Variants in UTS2 observed in about 807,000 individuals in gnomAD.
UTS2 encodes the protein urotensin 2.
A neutral mutation model predicts 12.6 loss-of-function variants in UTS2; 10 were observed. The ratio of observed to expected loss-of-function variants is 0.80; its 90% CI spans 0.49 to 1.35. The LOEUF is 1.35. Ranked by LOEUF, UTS2 falls within the 40% of genes most tolerant of loss-of-function variation. The pLI is 0.00. For synonymous variants in UTS2, 52 were observed against 50.0 expected (o/e 1.04, Z -0.17); for missense variants, 142 against 143.2 (o/e 0.99, Z 0.04).
chr1:7,897,366 G>T, the UTS2 span, among the ~76,000 whole-genome samples: 1 of 151,988 alleles, frequency 6.6e-6, no homozygotes, highest in Non-Finnish European at 1.5e-5. Context: ...GAATGACTGG[G>T]CTATTCTTCA....
In UTS2 at chr1:7,847,793, A is replaced by C. The variant is rs1043819371; in HGVS notation, c.348T>G (p.Pro116=). ...AGACACAGTATTTCCAGAAGCAATC[A>C]GGAGTCTCACGTTTCTTGTATGGTT... The part of the protein sequence containing the change: ...IWKPYKKRET[P]DCFWKYCV The change falls in exon 4 of 4, where the codon CCT becomes CCG. Residue 116 remains proline, a synonymous_variant. Coordinates refer to ENST00000361696, the MANE Select transcript of UTS2 (RefSeq NM_006786.4). 10 of 1,613,656 alleles carry C rather than the reference A, an allele frequency of 6.2e-6. No homozygotes were observed. The highest frequency in any genetic ancestry group is 8.5e-6 in the Non-Finnish European group (10 of 1,179,722).
chr1:7,896,839 G>A, the UTS2 span, among the ~76,000 whole-genome samples: 29 of 152,080 alleles, frequency 1.9e-4, no homozygotes, highest in East Asian at 5.0e-3. Context: ...GGGACTACAG[G>A]TGCGTGCCCC....
the UTS2 span, among the ~76,000 whole-genome samples, chr1:7,862,997 TG>T: frequency 1.7e-4 from 3 of 17,632 alleles, no homozygotes; most frequent in South Asian, 1.7e-3. Flanking sequence ...TGTGTTGTAT[TG>T]TATTGTATTG....
At chr1:7,862,437 G>A in the UTS2 span, among the ~76,000 whole-genome samples, 3 of 151,220 alleles carry the variant, frequency 2.0e-5, no homozygotes, top group South Asian at 2.1e-4. Context: ...AATTAATTGC[G>A]GTTTTTGCCA....
chr1:7,854,074 A>G (rs1578028983), upstream of UTS2, among the ~76,000 whole-genome samples: 1 of 152,156 alleles, frequency 6.6e-6, no homozygotes, highest in Non-Finnish European at 1.5e-5. Flanking sequence ...GGCCGGGTGC[A>G]GTGGCTCACG....
chr1:7,891,536 A>AAAAG, the UTS2 span, among the ~76,000 whole-genome samples: 27,956 of 109,590 alleles, frequency 0.26, 3,943 homozygotes, highest in Non-Finnish European at 0.28. Flanking sequence ...AGAAAGAAAG[A>AAAAG]AAAGAAAGAA....
chr1:7,886,753 GA>G, the UTS2 span, among the ~76,000 whole-genome samples: 2 of 152,016 alleles, frequency 1.3e-5, no homozygotes, highest in Admixed American at 6.6e-5. Context: ...AAAATAATCA[GA>G]GGGGGAAAAA....
At chr1:7,848,615 G>A (rs1213107949) in intron 3 of UTS2, among the ~76,000 whole-genome samples, 1 of 151,870 alleles carries the variant, frequency 6.6e-6, no homozygotes, top group Non-Finnish European at 1.5e-5. Flanking sequence ...CCGCCTCCAG[G>A]TTCAAGTGAT....
chr1:7,885,130 TCATC>T, the UTS2 span, among the ~76,000 whole-genome samples: 537 of 150,318 alleles, frequency 3.6e-3, 2 homozygotes, highest in Middle Eastern at 0.01. Flanking sequence ...CACCCACCTA[TCATC>T]CATCCATCCA....
At chr1:7,878,792 G>C in the UTS2 span, among the ~76,000 whole-genome samples, 1 of 152,120 alleles carries the variant, frequency 6.6e-6, no homozygotes, top group African/African-American at 2.4e-5. Flanking sequence ...TTCACCTGTA[G>C]ACACATATGG....
chr1:7,899,844 T>C, the UTS2 span, among the ~76,000 whole-genome samples: 1 of 152,136 alleles, frequency 6.6e-6, no homozygotes, highest in African/African-American at 2.4e-5. Context: ...CAGGAAGTTG[T>C]GGTCAATGTG....
At chr1:7,913,195 G>A in the UTS2 span, among the ~76,000 whole-genome samples, 1 of 151,602 alleles carries the variant, frequency 6.6e-6, no homozygotes, top group Non-Finnish European at 1.5e-5. Flanking sequence ...GGAGTTTTCG[G>A]CCTAGTCCTG....
At chr1:7,879,081 C>T in the UTS2 span, among the ~76,000 whole-genome samples, 31 of 152,174 alleles carry the variant, frequency 2.0e-4, 1 homozygote, top group Admixed American at 2.0e-3. Context: ...TAACACCCCA[C>T]TCTCAGCACT....
chr1:7,886,005 T>C, the UTS2 span, among the ~76,000 whole-genome samples: 1 of 145,940 alleles, frequency 6.9e-6, no homozygotes, highest in Non-Finnish European at 1.5e-5. Context: ...CAAAGGATCT[T>C]GCCTCTCCGA....
the UTS2 span, among the ~76,000 whole-genome samples, chr1:7,904,131 G>A: frequency 2.6e-5 from 4 of 151,760 alleles, no homozygotes; most frequent in East Asian, 7.7e-4. Context: ...TAATTTTGGG[G>A]GAGTTCTAAT....
At chr1:7,902,668 C>T in the UTS2 span, among the ~76,000 whole-genome samples, 1 of 152,142 alleles carries the variant, frequency 6.6e-6, no homozygotes, top group African/African-American at 2.4e-5. Flanking sequence ...CTCACGTGAT[C>T]TTCCCACCTC....
the UTS2 span, among the ~76,000 whole-genome samples, chr1:7,885,881 G>C: frequency 7.2e-6 from 1 of 138,040 alleles, no homozygotes; most frequent in African/African-American, 2.7e-5. Flanking sequence ...TCGGGCCAGA[G>C]GCCCAGGTGG....
chr1:7,858,645 C>T, the UTS2 span, among the ~76,000 whole-genome samples: 4 of 152,120 alleles, frequency 2.6e-5, no homozygotes, highest in African/African-American at 9.7e-5. Context: ...GGTGCGATCT[C>T]AGCTTACTGC....
At chr1:7,889,260 C>CAA in the UTS2 span, among the ~76,000 whole-genome samples, 4,767 of 72,438 alleles carry the variant, frequency 0.066, 455 homozygotes, top group East Asian at 0.45. Context: ...CTCATTTCTA[C>CAA]AAAAAAAAAA....
Sources: allele counts gnomAD v4.1 joint callset (sites outside exome capture counted in the v4.1 genomes callset), GRCh38; gene constraint gnomAD v4.1.1; transcripts MANE v1.5; gene names NCBI Gene and HGNC (gene_info 2026-07-23, HGNC 2026-07-21).